The following CELF4 variants were observed in gnomAD, a reference collection of about 807,000 sequenced individuals.
The protein encoded by CELF4 is CUGBP Elav-like family member 4.
A neutral mutation model predicts 59.9 loss-of-function variants in CELF4; 18 were observed. That is an observed-to-expected ratio of 0.30 (90% CI 0.21 to 0.45). CELF4 has a LOEUF of 0.45. CELF4 is among the 20% of genes least tolerant of loss of function. The probability of loss-of-function intolerance (pLI) is 1.00; values close to 1 mark genes in which losing one functional copy is unlikely to be tolerated. For synonymous variants in CELF4, 261 were observed against 267.1 expected (o/e 0.98, Z 0.22); for missense variants, 456 against 689.0 (o/e 0.66, Z 3.79).
intron 2 of CELF4, among the ~76,000 whole-genome samples, chr18:37,434,590 G>C (rs1215317505): frequency 6.6e-6 from 1 of 152,146 alleles, no homozygotes; most frequent in Non-Finnish European, 1.5e-5. Flanking sequence ...GAGAGCCGGG[G>C]GTTTGCTGTG....
At chr18:37,303,885 G>A (rs574868690) in intron 3 of CELF4, among the ~76,000 whole-genome samples, 166 of 152,220 alleles carry the variant, frequency 1.1e-3, no homozygotes, top group Non-Finnish European at 2.0e-3. Flanking sequence ...CCTCCTGGCC[G>A]TAGGCATCCC....
chr18:37,307,382 CT>C (rs1318183426), intron 3 of CELF4, among the ~76,000 whole-genome samples: 6 of 152,176 alleles, frequency 3.9e-5, no homozygotes, highest in African/African-American at 1.4e-4. Context: ...GGTAGCAACT[CT>C]CCGATCCAAA....
At chr18:37,357,212 TC>T (rs1297941506) in intron 2 of CELF4, among the ~76,000 whole-genome samples, 1 of 152,142 alleles carries the variant, frequency 6.6e-6, no homozygotes, top group Non-Finnish European at 1.5e-5. Context: ...CTGAGAACAT[TC>T]CAGGTAGAGG....
At chr18:37,521,500 A>G (rs941000614) in intron 1 of CELF4, among the ~76,000 whole-genome samples, 4 of 152,176 alleles carry the variant, frequency 2.6e-5, no homozygotes, top group African/African-American at 9.7e-5. Flanking sequence ...ATCTAAAATC[A>G]TATTAATATT....
intron 3 of CELF4, among the ~76,000 whole-genome samples, chr18:37,288,125 G>T (rs1251222820): frequency 1.3e-5 from 2 of 152,316 alleles, no homozygotes; most frequent in African/African-American, 4.8e-5. Context: ...CAATGGGTTT[G>T]CAGTTAACAT....
At chr18:37,349,326 G>A (rs1266511113) in intron 2 of CELF4, among the ~76,000 whole-genome samples, 1 of 152,206 alleles carries the variant, frequency 6.6e-6, no homozygotes, top group Non-Finnish European at 1.5e-5. Context: ...ACGTTGGGGG[G>A]AGAAACTGGA....
intron 2 of CELF4, among the ~76,000 whole-genome samples, chr18:37,380,491 G>A (rs1339120644): frequency 6.6e-6 from 1 of 152,086 alleles, no homozygotes; most frequent in Admixed American, 6.6e-5. Flanking sequence ...CTTCCACCTA[G>A]CATCCATTAT....
chr18:37,253,797 G>C lies in CELF4; in HGVS notation c.*14C>G. The C allele has an allele frequency of 6.3e-7, 1 of 1,590,154 alleles. No homozygotes were observed. The highest frequency in any genetic ancestry group is 8.6e-7 in the Non-Finnish European group (1 of 1,168,072). On this transcript the variant is annotated 3_prime_UTR_variant, in exon 12 of 13. Coordinates refer to ENST00000420428, the MANE Select transcript of CELF4 (RefSeq NM_020180.4). The surrounding 1 kb of genome is among the most constrained non-coding windows in gnomAD (Gnocchi z 4.5). ...CGAGTCCTGGTCTCCCCCGGGGGAC[G>C]CTCCCGCCGGCGCTCAGTACGGGCG...
At chr18:37,390,823 C>G (rs1372875272) in intron 2 of CELF4, among the ~76,000 whole-genome samples, 1 of 147,384 alleles carries the variant, frequency 6.8e-6, no homozygotes, top group East Asian at 2.1e-4. Context: ...GGCAGTGCTG[C>G]TGGCCGGCAC....
chr18:37,260,883 G>C (rs908506138), intron 10 of CELF4, among the ~76,000 whole-genome samples: 4 of 151,844 alleles, frequency 2.6e-5, no homozygotes, highest in South Asian at 2.1e-4. Context: ...CAGGCATCCT[G>C]CTGGGGGACG....
intron 2 of CELF4, among the ~76,000 whole-genome samples, chr18:37,438,363 C>T (rs1290723614): frequency 6.6e-6 from 1 of 152,114 alleles, no homozygotes; most frequent in Non-Finnish European, 1.5e-5. Context: ...CTTGGCAAGG[C>T]AGGATGAAGG....
intron 2 of CELF4, among the ~76,000 whole-genome samples, chr18:37,396,734 T>C (rs188719472): frequency 6.6e-6 from 1 of 152,234 alleles, no homozygotes; most frequent in East Asian, 1.9e-4. Flanking sequence ...CAGTCTGGGA[T>C]AGGAGATTTG....
intron 1 of CELF4, among the ~76,000 whole-genome samples, chr18:37,528,726 T>TCA (rs949556825): frequency 1.4e-4 from 21 of 152,076 alleles, no homozygotes; most frequent in African/African-American, 4.1e-4. Context: ...GGAGGGAGAA[T>TCA]CACACTTCAC....
intron 2 of CELF4, among the ~76,000 whole-genome samples, chr18:37,436,040 G>A (rs1338458762): frequency 6.6e-6 from 1 of 152,154 alleles, no homozygotes; most frequent in African/African-American, 2.4e-5. Flanking sequence ...GCTGGAGGCA[G>A]CAGGAATGAC....
chr18:37,408,023 G>A (rs952071733), intron 2 of CELF4, among the ~76,000 whole-genome samples: 3 of 152,154 alleles, frequency 2.0e-5, no homozygotes, highest in Non-Finnish European at 4.4e-5. Context: ...CCGAAATTTG[G>A]CTGGCACAGA....
chr18:37,251,172 G>C (rs1459012460), intron 12 of CELF4, among the ~76,000 whole-genome samples: 3 of 152,000 alleles, frequency 2.0e-5, no homozygotes, highest in Non-Finnish European at 4.4e-5. Context: ...CTACCTTATA[G>C]GTAGTTGTAG....
intron 3 of CELF4, among the ~76,000 whole-genome samples, chr18:37,309,720 A>C (rs2096577437): frequency 6.6e-6 from 1 of 151,938 alleles, no homozygotes; most frequent in Admixed American, 6.6e-5. Context: ...CTGGGATGTC[A>C]GCAGCAATGA....
At chr18:37,335,576 G>C (rs1013069049) in intron 2 of CELF4, among the ~76,000 whole-genome samples, 5 of 151,858 alleles carry the variant, frequency 3.3e-5, no homozygotes, top group African/African-American at 1.2e-4. Context: ...AAGTGTGGGA[G>C]TGTGGTCAGG....
intron 8 of CELF4, among the ~76,000 whole-genome samples, 185 bp from the exon 9 acceptor site, chr18:37,266,783 C>T (rs1441999049): frequency 1.3e-5 from 2 of 152,202 alleles, no homozygotes; most frequent in African/African-American, 4.8e-5. Context: ...TTCCCTAGCC[C>T]AGGGCTCTTG....
Sources: allele counts gnomAD v4.1 joint callset (sites outside exome capture counted in the v4.1 genomes callset), GRCh38; gene constraint gnomAD v4.1.1; non-coding constraint Gnocchi (gnomAD v3.1); transcripts MANE v1.5; gene names NCBI Gene and HGNC (gene_info 2026-07-23, HGNC 2026-07-21).